ING4: variants seen among roughly 807,000 people sequenced by gnomAD.
The protein encoded by ING4 is inhibitor of growth protein 4.
A neutral mutation model predicts 33.1 loss-of-function variants in ING4; 28 were observed. The observed-to-expected ratio is 0.85, with a 90% CI of 0.63 to 1.16. The LOEUF (loss-of-function observed/expected upper bound fraction) is 1.16, where lower values mean the gene tolerates loss of function less well. ING4 is among the 50% of genes most tolerant of loss of function. The pLI is 0.00. For missense variants in ING4, 247 were observed against 314.7 expected (o/e 0.78, Z 1.63); for synonymous variants, 87 against 104.4 (o/e 0.83, Z 1.02).
At position 6,663,077 on chromosome 12, in the gene ING4, G is replaced by A. The variant is rs776575745; in HGVS notation, c.25C>T (p.His9Tyr). ...AGCCTGCTCTTACTGTCCAGATAATGTTCCAAATACATCCCCGCAGCCATC... is the reference window on the plus strand; with the variant it reads ...AGCCTGCTCTTACTGTCCAGATAATATTCCAAATACATCCCCGCAGCCATC... MAAGMYLE[H>Y]YLDSIENLPF... The change falls in exon 1 of 8, where the codon CAT becomes TAT. Residue 9 changes from histidine to tyrosine, a missense_variant. Around this residue, in one of 3 missense-constraint regions of ING4, gnomAD observed 198 missense variants for 221.2 expected, o/e 0.89. Transcript: ENST00000341550. The A allele has an allele frequency of 1.2e-6, 2 of 1,614,098 alleles. No homozygotes were observed. The highest frequency in any genetic ancestry group is 1.7e-6 in the Non-Finnish European group (2 of 1,180,022).
chr12:6,661,610 G>C (rs1949556342), intron 1 of ING4, among the ~76,000 whole-genome samples: 1 of 149,456 alleles, frequency 6.7e-6, no homozygotes, highest in East Asian at 2.0e-4. Context: ...TTTTAAAGTA[G>C]AGACTGGGCT....
At chr12:6,662,586 C>G (rs1253021563) in intron 1 of ING4, among the ~76,000 whole-genome samples, 1 of 152,178 alleles carries the variant, frequency 6.6e-6, no homozygotes, top group Non-Finnish European at 1.5e-5. Context: ...GGAATTAGAT[C>G]TTTACTCCAT....
rs914760844 is a variant in ING4, at chr12:6,653,035, G to A, written c.292C>T (p.Arg98Trp). Residue 98 changes from arginine to tryptophan, a missense_variant, in exon 4 of 8, where the codon CGG becomes TGG. This residue lies in a region of ING4 where 198 missense variants were observed against 221.2 expected (regional missense o/e 0.89). Coordinates refer to ENST00000341550, the MANE Select transcript of ING4 (RefSeq NM_016162.4). ...CGGGCCAGGTCTGTGTCCAGCCGCCGAATGTGTTTGTCCACCTGGGTGGAA... is the reference window on the plus strand; with the variant it reads ...CGGGCCAGGTCTGTGTCCAGCCGCCAAATGTGTTTGTCCACCTGGGTGGAA... ...QTYEMVDKHIRRLDTDLARFE... is the reference protein window; with the variant it reads ...QTYEMVDKHIWRLDTDLARFE... 5 of 1,613,982 alleles carry A rather than the reference G, an allele frequency of 3.1e-6. No individual in the cohort carries two copies. Among genetic ancestry groups the A allele is most frequent in the Non-Finnish European group, 4.2e-6 (5 of 1,180,016 alleles).
chr12:6,653,243 T>C lies in ING4; in HGVS notation c.263A>G (p.Gln88Arg). The C allele has an allele frequency of 6.2e-7, 1 of 1,614,180 alleles. No individual in the cohort carries two copies. Among genetic ancestry groups the C allele is most frequent in the Non-Finnish European group, 8.5e-7 (1 of 1,180,024 alleles). Residue 88 changes from glutamine to arginine, a missense_variant, in exon 3 of 8, where the codon CAG (glutamine) becomes CGG (arginine). This residue lies in a region of ING4 where 198 missense variants were observed against 221.2 expected (regional missense o/e 0.89). Coordinates refer to ENST00000341550, the MANE Select transcript of ING4 (RefSeq NM_016162.4). Reference protein sequence around the residue: ...FGDDKVQLAMQTYEMVDKHIR... With the variant: ...FGDDKVQLAMRTYEMVDKHIR... ...ACAGGGCCATACCATCTCATAGGTC[T>C]GCATGGCAAGCTGCACCTTGTCGTC...
chr12:6,652,827 C>CT (rs1949227851), intron 4 of ING4, 60 bp from the exon 5 acceptor site: 1 of 1,576,292 alleles, frequency 6.3e-7, no homozygotes, highest in African/African-American at 1.3e-5. Context: ...GTTAAGTCCT[C>CT]TTCTCTCCCC....
chr12:6,659,628 T>C (rs1368895814), intron 1 of ING4, among the ~76,000 whole-genome samples: 2 of 151,880 alleles, frequency 1.3e-5, no homozygotes, highest in African/African-American at 2.4e-5. Flanking sequence ...CTGGCTAACA[T>C]GGTGAAACCC....
At chr12:6,663,018 C>G (rs752312402) in intron 1 of ING4, 47 bp downstream of exon 1, 1 of 1,596,384 alleles carries the variant, frequency 6.3e-7, no homozygotes. Flanking sequence ...ATCCCTGATC[C>G]CCGCACCACT....
chr12:6,660,373 C>G (rs1417509639), intron 1 of ING4, among the ~76,000 whole-genome samples: 1 of 152,130 alleles, frequency 6.6e-6, no homozygotes, highest in African/African-American at 2.4e-5. Flanking sequence ...CTCTGGGAGG[C>G]CAAGGTGGGT....
Position 6,653,390 on chromosome 12 carries a change from T to A in ING4, c.116A>T (p.Lys39Met). The A allele has an allele frequency of 6.2e-7, 1 of 1,613,880 alleles. No homozygotes were observed. Among genetic ancestry groups the A allele is most frequent in the Non-Finnish European group, 8.5e-7 (1 of 1,179,914 alleles). The change falls in exon 3 of 8, where the codon AAG becomes ATG. Residue 39 changes from lysine to methionine, a missense_variant. Lys to Met is a moderately conservative substitution (Grantham distance 95). This residue lies in a region of ING4 where 198 missense variants were observed against 221.2 expected (regional missense o/e 0.89). Transcript: ENST00000341550. ...AGTGGCCAACTTGTCAATTTCAGCC[T>A]TCAGGTCTACAACAGAGACAGAGGC... ...RDLDQRTEDL[K>M]AEIDKLATEY... is the part of the protein sequence containing the mutation.
chr12:6,658,232 T>C (rs1274082959), intron 1 of ING4, among the ~76,000 whole-genome samples: 1 of 151,568 alleles, frequency 6.6e-6, no homozygotes, highest in Non-Finnish European at 1.5e-5. Context: ...AGTGCTGGGA[T>C]TACTGGCATG....
At position 6,656,739 on chromosome 12, in the gene ING4, G is replaced by A. The variant is rs777301239; in HGVS notation, c.97C>T (p.Gln33Ter). ...ACTCTATACATACCCTCTGTTCTTT[G>A]GTCTAGGTCCCTCATGAGCTGAAAG... ...RNFQLMRDLDQRTEDLKAEID... is the reference protein window; with the variant it reads ...RNFQLMRDLD The change falls in exon 2 of 8, where the codon CAA becomes TAA. Residue 33 changes from glutamine (Q) to a stop codon, truncating the protein, a stop_gained. Coordinates refer to ENST00000341550, the MANE Select transcript of ING4 (RefSeq NM_016162.4). LOFTEE classifies it high-confidence loss of function. The A allele has an allele frequency of 6.4e-7, 1 of 1,568,122 alleles. No individual in the cohort carries two copies. Among genetic ancestry groups the A allele is most frequent in the South Asian group, 1.2e-5 (1 of 83,874 alleles).
At chr12:6,653,834 G>C (rs1223921147) in intron 2 of ING4, among the ~76,000 whole-genome samples, 1 of 152,114 alleles carries the variant, frequency 6.6e-6, no homozygotes, top group Admixed American at 6.5e-5. Flanking sequence ...TTCCAAGTCT[G>C]TACATCAATA....
intron 1 of ING4, among the ~76,000 whole-genome samples, chr12:6,658,687 A>AAAAAAC (rs932530365): frequency 6.6e-6 from 1 of 152,194 alleles, no homozygotes; most frequent in Admixed American, 6.5e-5. Flanking sequence ...CACTGACTCA[A>AAAAAAC]AAAAACAAAA....
Position 6,650,919 on chromosome 12 carries a change from C to T in ING4, c.*276G>A. On this transcript the variant is annotated 3_prime_UTR_variant, in exon 8 of 8. Transcript: ENST00000341550. Reference sequence around the variant, plus strand: ...CCCTCCCTCTGAAATACAGCACCGACCTCAGCATGGAGGCAAAAGGACAGT... The same window carrying T: ...CCCTCCCTCTGAAATACAGCACCGATCTCAGCATGGAGGCAAAAGGACAGT... 1 of 539,776 alleles carries T rather than the reference C, an allele frequency of 1.9e-6. No homozygotes were observed. Among genetic ancestry groups the T allele is most frequent in the Admixed American group, 3.1e-5 (1 of 32,188 alleles). 33.4% of individuals were successfully genotyped at this position (539,776 alleles called of 1,614,324 possible). A position where few individuals can be genotyped will look rare whatever the true frequency, so the allele number is the denominator to read the frequency against.
chr12:6,656,690 A>C (rs1374815891), intron 2 of ING4, 37 bp downstream of exon 2: 1 of 1,130,402 alleles, frequency 8.8e-7, no homozygotes, highest in Non-Finnish European at 1.3e-6. Flanking sequence ...GATTACACAC[A>C]CTCATTAGAT....
chr12:6,652,680 T>C lies in ING4; in HGVS notation c.479A>G (p.Lys160Arg), dbSNP rs528440943. 2.5e-6 allele frequency: 4 copies of C among 1,614,000 alleles called. No homozygotes were observed. The South Asian group carries it at 4.4e-5, about 18-fold the overall frequency. The change falls in exon 5 of 8, where the codon AAG becomes AGG. Residue 160 changes from lysine to arginine, a missense_variant. Lys to Arg is a conservative substitution (Grantham distance 26). Coordinates refer to ENST00000341550, the MANE Select transcript of ING4 (RefSeq NM_016162.4). ...DEEAPKTAQK[K>R]LKLVRTSPEY... ...CACTCACGTGCGCACGAGCTTTAAC[T>C]TCTTCTGGGCAGTCTTGGGGGCTTC...
intron 2 of ING4, among the ~76,000 whole-genome samples, chr12:6,653,740 CTCAAAAGCCATTGTT>C (rs1949259159): frequency 6.6e-6 from 1 of 152,212 alleles, no homozygotes; most frequent in Admixed American, 6.5e-5. Context: ...TGAATTTTGT[CTCAAAAGCCATTGTT>C]TCCTTCTCAA....
At chr12:6,651,848 CTTT>C (rs1029172811) in intron 6 of ING4, among the ~76,000 whole-genome samples, 1 of 114,816 alleles carries the variant, frequency 8.7e-6, no homozygotes, top group Non-Finnish European at 1.8e-5. Context: ...GGCTTTCAGG[CTTT>C]TTTTTTTTTT....
chr12:6,651,376 C>A lies in ING4; in HGVS notation c.655G>T (p.Glu219Ter). Reference sequence around the variant, plus strand: ...CCCACACAGGCAAAATGGAACCACTCAATGGAACACTGGAAGAGGAAGAAA... The same window carrying A: ...CCCACACAGGCAAAATGGAACCACTAAATGGAACACTGGAAGAGGAAGAAA... ...IGCDNPDCSI[E>*]WFHFACVGLT... The change falls in exon 7 of 8, where the codon GAG (glutamate) becomes TAG (stop). Residue 219 changes from glutamate to a stop codon, truncating the protein, a stop_gained. Coordinates refer to ENST00000341550, the MANE Select transcript of ING4 (RefSeq NM_016162.4). LOFTEE classifies it high-confidence loss of function. 1 of 1,614,032 alleles carries A rather than the reference C, an allele frequency of 6.2e-7. No individual in the cohort carries two copies. The highest frequency in any genetic ancestry group is 1.1e-5 in the South Asian group (1 of 91,076).
Sources: allele counts gnomAD v4.1 joint callset (sites outside exome capture counted in the v4.1 genomes callset), GRCh38; gene constraint gnomAD v4.1.1; regional missense constraint gnomAD v4.1.1; transcripts MANE v1.5; gene names NCBI Gene and HGNC (gene_info 2026-07-23, HGNC 2026-07-21).